The following DLGAP1 variants were observed in gnomAD, a reference collection of about 807,000 sequenced individuals.
DLGAP1 encodes DLG associated protein 1.
Under a neutral mutation model 90.8 loss-of-function variants are expected in DLGAP1, and 11 were observed. The observed-to-expected ratio is 0.12, with a 90% CI of 0.08 to 0.20. DLGAP1 has a LOEUF of 0.20. DLGAP1 is among the 10% of genes least tolerant of loss of function. DLGAP1 has a pLI of 1.00. For missense variants in DLGAP1, 1,050 were observed against 1,333.8 expected (o/e 0.79, Z 3.31); for synonymous variants, 558 against 540.7 (o/e 1.03, Z -0.44).
In DLGAP1 at chr18:3,735,955, C is replaced by CT. The variant is rs1383824134; in HGVS notation, c.1350+6379_1350+6380insA. On this transcript the variant is annotated intron_variant, in intron 6 of 12. Coordinates refer to ENST00000315677, the MANE Select transcript of DLGAP1 (RefSeq NM_004746.4). ...CCATTTCATTCTCTTTCTCTCTACA[C>CT]ACACACACACACGCAAGCACACACC... 6.8e-4 allele frequency among the ~76,000 whole-genome samples: 104 copies of CT among 152,080 alleles called. 2 individuals are homozygous for CT. Among genetic ancestry groups the CT allele is most frequent in the African/African-American group, 2.5e-3 (103 of 41,490 alleles).
At chr18:4,440,116 T>C (rs1219561094) in intron 1 of DLGAP1, among the ~76,000 whole-genome samples, 2 of 66,994 alleles carry the variant, frequency 3.0e-5, no homozygotes, top group African/African-American at 7.2e-5. Flanking sequence ...TGAGACTCCG[T>C]CACCAAAAAA....
intron 1 of DLGAP1, among the ~76,000 whole-genome samples, chr18:4,390,824 G>T (rs2082325999): frequency 6.6e-6 from 1 of 152,112 alleles, no homozygotes; most frequent in Admixed American, 6.5e-5. Context: ...CAGTTCTAGA[G>T]GCCCCTGGGC....
chr18:4,296,785 T>C (rs1308378051), intron 1 of DLGAP1, among the ~76,000 whole-genome samples: 1 of 152,168 alleles, frequency 6.6e-6, no homozygotes, highest in East Asian at 1.9e-4. Context: ...TCAGAACCCA[T>C]ATTTTCCTGT....
At chr18:3,651,662 T>C (rs7407821) in intron 7 of DLGAP1, among the ~76,000 whole-genome samples, 55,489 of 149,836 alleles carry the variant, frequency 0.37, 12,530 homozygotes, top group African/African-American at 0.66. Flanking sequence ...GGTGCAGTGG[T>C]TCACGCCTGT....
intron 1 of DLGAP1, among the ~76,000 whole-genome samples, chr18:4,287,023 C>T (rs1260448152): frequency 1.3e-5 from 2 of 152,022 alleles, no homozygotes; most frequent in Admixed American, 1.3e-4. Context: ...TGCACCTCTG[C>T]TATTGCTTTA....
At chr18:4,426,731 G>A (rs1459226325) in intron 1 of DLGAP1, among the ~76,000 whole-genome samples, 3 of 152,256 alleles carry the variant, frequency 2.0e-5, no homozygotes, top group South Asian at 2.1e-4. Context: ...AACAAAATAC[G>A]ATCTCAGCAA....
At chr18:4,027,255 C>T (rs534064115) in intron 2 of DLGAP1, among the ~76,000 whole-genome samples, 1 of 151,906 alleles carries the variant, frequency 6.6e-6, no homozygotes, top group South Asian at 2.1e-4. Context: ...CCTATAATCC[C>T]AGCACTTTGG....
chr18:4,021,254 C>T (rs867129755), intron 2 of DLGAP1, among the ~76,000 whole-genome samples: 1 of 152,162 alleles, frequency 6.6e-6, no homozygotes, highest in Admixed American at 6.5e-5. Flanking sequence ...CAAGGAGAAT[C>T]CATGGAGCAG....
chr18:4,293,428 C>T (rs1387280406), intron 1 of DLGAP1: 4 of 152,218 alleles, frequency 2.6e-5, no homozygotes, highest in Admixed American at 1.3e-4. Context: ...AAAATAAGAA[C>T]ATTGCTTTTT....
chr18:3,862,346 T>C (rs1242806070), intron 4 of DLGAP1, among the ~76,000 whole-genome samples: 1 of 152,244 alleles, frequency 6.6e-6, no homozygotes, highest in Non-Finnish European at 1.5e-5. Flanking sequence ...AACATTGTAA[T>C]TTACAAGTAA....
intron 2 of DLGAP1, among the ~76,000 whole-genome samples, chr18:4,061,425 G>C (rs916320412): frequency 6.6e-6 from 1 of 151,962 alleles, no homozygotes; most frequent in Non-Finnish European, 1.5e-5. Context: ...ATTTAAAGGG[G>C]TATTATTCAG....
intron 1 of DLGAP1, among the ~76,000 whole-genome samples, chr18:4,280,110 C>T (rs2079514882): frequency 6.6e-6 from 1 of 151,978 alleles, no homozygotes; most frequent in African/African-American, 2.4e-5. Context: ...TGCTATTTAG[C>T]TTCAACATGA....
intron 3 of DLGAP1, among the ~76,000 whole-genome samples, chr18:3,926,555 T>C (rs762179546): frequency 3.7e-4 from 57 of 152,068 alleles, no homozygotes; most frequent in Middle Eastern, 3.4e-3. Context: ...CATCTCTCTC[T>C]ATACATATGT....
At chr18:4,363,196 C>A (rs1052351405) in intron 1 of DLGAP1, among the ~76,000 whole-genome samples, 1 of 152,104 alleles carries the variant, frequency 6.6e-6, no homozygotes, top group Admixed American at 6.5e-5. Context: ...GAAATATGCA[C>A]ACATGGGCAA....
At chr18:4,277,647 T>A (rs977938346) in intron 1 of DLGAP1, among the ~76,000 whole-genome samples, 4 of 152,224 alleles carry the variant, frequency 2.6e-5, no homozygotes, top group African/African-American at 9.6e-5. Flanking sequence ...TTGCACTTGT[T>A]CTAATTCTCT....
At chr18:3,836,780 T>C (rs756659404) in intron 4 of DLGAP1, among the ~76,000 whole-genome samples, 18 of 152,212 alleles carry the variant, frequency 1.2e-4, no homozygotes, top group Admixed American at 3.9e-4. Context: ...ACCGGATGCG[T>C]TGTTTTATCA....
chr18:3,955,562 A>C (rs1191043762), intron 3 of DLGAP1, among the ~76,000 whole-genome samples: 3 of 152,146 alleles, frequency 2.0e-5, no homozygotes, highest in Non-Finnish European at 2.9e-5. Context: ...AAATACAAAA[A>C]AATCAGCCGG....
chr18:4,263,001 C>T (rs912416902), intron 1 of DLGAP1, among the ~76,000 whole-genome samples: 4 of 151,790 alleles, frequency 2.6e-5, no homozygotes, highest in South Asian at 4.2e-4. Context: ...GGTGTGATTT[C>T]GGCTCAGTGT....
rs367876461 is a variant in DLGAP1 at position 3,701,037 on chromosome 18, T to C, written c.1591+28098A>G. Reference sequence around the variant, plus strand: ...AGGACTACAGGAGTGCACTCTGCCATACCAGGCTAAGTTTTAAATTTTTTG... The same window carrying C: ...AGGACTACAGGAGTGCACTCTGCCACACCAGGCTAAGTTTTAAATTTTTTG... On this transcript the variant is annotated intron_variant, in intron 7 of 12. Coordinates refer to ENST00000315677, the MANE Select transcript of DLGAP1 (RefSeq NM_004746.4). Among the ~76,000 whole-genome samples the C allele has an allele frequency of 7.0e-4, 106 of 152,308 alleles. No individual in the cohort carries two copies. The South Asian group carries it at 0.022, about 31-fold the overall frequency.
Sources: allele counts gnomAD v4.1 joint callset (sites outside exome capture counted in the v4.1 genomes callset), GRCh38; gene constraint gnomAD v4.1.1; transcripts MANE v1.5; gene names NCBI Gene and HGNC (gene_info 2026-07-23, HGNC 2026-07-21).